Variants in NLRC4 observed in about 807,000 individuals in gnomAD.
NLRC4 encodes the protein NLR family CARD domain containing 4, also known as NLR family CARD domain-containing protein 4.
Under a neutral mutation model 79.9 loss-of-function variants are expected in NLRC4, and 63 were observed. The ratio of observed to expected loss-of-function variants is 0.79; its 90% confidence interval spans 0.64 to 0.97. The LOEUF (loss-of-function observed/expected upper bound fraction) is 0.97, where lower values mean the gene tolerates loss of function less well. NLRC4 is among the 50% of genes least tolerant of loss of function. NLRC4 has a pLI of 0.00. For synonymous variants in NLRC4, 461 were observed against 456.5 expected (o/e 1.01, Z -0.12); for missense variants, 1,074 against 1,215.2 (o/e 0.88, Z 1.73).
intron 4 of NLRC4, among the ~76,000 whole-genome samples, chr2:32,244,552 AAAAAT>A (rs1351550435): frequency 1.3e-5 from 2 of 152,108 alleles, no homozygotes; most frequent in Admixed American, 6.5e-5. Context: ...GGCAAAAAAA[AAAAAT>A]AAATAAAAGG....
At chr2:32,231,509 T>G (rs1410227051) in intron 8 of NLRC4, among the ~76,000 whole-genome samples, 2 of 150,538 alleles carry the variant, frequency 1.3e-5, no homozygotes, top group Non-Finnish European at 1.5e-5. Context: ...TAATGTGATC[T>G]GCAATTTTTT....
intron 8 of NLRC4, among the ~76,000 whole-genome samples, chr2:32,227,742 GAACA>G (rs1686436751): frequency 2.0e-5 from 3 of 152,156 alleles, no homozygotes; most frequent in South Asian, 4.1e-4. Context: ...CAGGAACCAA[GAACA>G]AACAACATTT....
intron 8 of NLRC4, among the ~76,000 whole-genome samples, chr2:32,228,635 C>T (rs766820441): frequency 2.6e-4 from 39 of 152,168 alleles, no homozygotes; most frequent in Non-Finnish European, 3.7e-4. Flanking sequence ...TAGACTGCAT[C>T]TACTCAGCAA....
intron 4 of NLRC4, 119 bp downstream of exon 4, chr2:32,249,488 G>T: frequency 2.4e-6 from 2 of 835,778 alleles, no homozygotes; most frequent in East Asian, 2.5e-5. Context: ...CTGTGGGATG[G>T]CCACCTTGCA....
At chr2:32,237,339 AC>A (rs1442258564) in intron 6 of NLRC4, among the ~76,000 whole-genome samples, 24 of 152,294 alleles carry the variant, frequency 1.6e-4, no homozygotes, top group African/African-American at 5.5e-4. Flanking sequence ...AACCTGCTGA[AC>A]TTCTCTTTAA....
intron 2 of NLRC4, among the ~76,000 whole-genome samples, chr2:32,253,913 G>A (rs900318714): frequency 6.8e-5 from 10 of 146,040 alleles, no homozygotes; most frequent in African/African-American, 2.3e-4. Flanking sequence ...GCGGTGAGCC[G>A]AGATGGTGCC....
chr2:32,259,957 G>A (rs563440074), intron 1 of NLRC4, among the ~76,000 whole-genome samples: 14 of 152,252 alleles, frequency 9.2e-5, no homozygotes, highest in Admixed American at 2.6e-4. Context: ...GGCCGGGCAC[G>A]GTGGCTCACG....
intron 2 of NLRC4, among the ~76,000 whole-genome samples, chr2:32,255,416 A>T (rs1225941935): frequency 6.7e-6 from 1 of 150,342 alleles, no homozygotes; most frequent in African/African-American, 2.4e-5. Context: ...GCTACTCGGG[A>T]GGCTGAGGCA....
In NLRC4 at chr2:32,252,271, C is replaced by A; in HGVS notation, c.262+148G>T. The A allele has an allele frequency of 4.6e-6, 3 of 645,722 alleles. No homozygotes were observed. In the South Asian group the frequency reaches 5.7e-5, roughly 12 times the overall value. 40.0% of individuals were successfully genotyped at this position (645,722 alleles called of 1,614,324 possible). ...ATCTACTATGAGTTTTTCCTAAAAT[C>A]ATCTAAGCTTTTCCTTAGCAGGTAT... On this transcript the variant is annotated intron_variant, in intron 3 of 8. Transcript: ENST00000402280.
chr2:32,261,316 C>CCCCTTTTTTT, intron 1 of NLRC4, among the ~76,000 whole-genome samples: 13 of 96,884 alleles, frequency 1.3e-4, no homozygotes, highest in African/African-American at 2.1e-4. Context: ...AGCCTCCCCC[C>CCCCTTTTTTT]TTTTGTTTTT....
intron 2 of NLRC4, among the ~76,000 whole-genome samples, chr2:32,256,446 T>C (rs576699144): frequency 2.6e-4 from 40 of 152,258 alleles, no homozygotes; most frequent in African/African-American, 7.9e-4. Context: ...GAGCTACATT[T>C]TGGTTGCCAC....
chr2:32,252,702 A>C, intron 2 of NLRC4, 23 bp from the exon 3 acceptor site: 5 of 1,600,472 alleles, frequency 3.1e-6, no homozygotes, highest in Non-Finnish European at 3.4e-6. Flanking sequence ...GGAGAAATAT[A>C]CATATTTATT....
chr2:32,231,059 C>T (rs1686521185), intron 8 of NLRC4, among the ~76,000 whole-genome samples: 1 of 152,098 alleles, frequency 6.6e-6, no homozygotes, highest in Admixed American at 6.5e-5. Context: ...ATTTATTTTG[C>T]GATTTACATA....
At chr2:32,244,544 C>CA (rs373739695) in intron 4 of NLRC4, among the ~76,000 whole-genome samples, 2,481 of 147,200 alleles carry the variant, frequency 0.017, 43 homozygotes, top group South Asian at 0.05. Flanking sequence ...TGAAATAAGG[C>CA]AAAAAAAAAA....
intron 1 of NLRC4, among the ~76,000 whole-genome samples, chr2:32,261,726 T>G (rs1317388586): frequency 6.6e-6 from 1 of 152,162 alleles, no homozygotes; most frequent in African/African-American, 2.4e-5. Flanking sequence ...ATATCTATTT[T>G]CAGAAAATAA....
chr2:32,252,410 G>C lies in NLRC4; in HGVS notation c.262+9C>G. ...TGCAGAAACAGATGCAAAACTAACT[G>C]ATACTTACTTTGTCCATTCAAGTCC... is the stretch of plus-strand genomic sequence containing the variant. On this transcript the variant is annotated intron_variant, in intron 3 of 8. Transcript: ENST00000402280. 6.3e-7 allele frequency: 1 copy of C among 1,593,788 alleles called. No homozygotes were observed. Among genetic ancestry groups the C allele is most frequent in the Non-Finnish European group, 8.6e-7 (1 of 1,161,662 alleles).
chr2:32,251,602 C>CTATTAGAGAAGAGGTGA lies in NLRC4; in HGVS notation c.263-18_263-2dup, dbSNP rs780413029. 1.9e-6 allele frequency: 3 copies of CTATTAGAGAAGAGGTGA among 1,578,466 alleles called. No individual in the cohort carries two copies. In the Admixed American group the frequency reaches 5.4e-5, roughly 29 times the overall value. On this transcript the variant is annotated splice_acceptor_variant, in intron 3 of 8. Transcript: ENST00000402280. LOFTEE classifies it high-confidence loss of function. ...CCTTCTGATGTCTGATGAAAAAGAC[C>CTATTAGAGAAGAGGTGA]TATTAGAGAAGAGGTGATGTTAAAG...
Position 32,261,316 on chromosome 2 carries a change from C to CTTTTTTTTTTTTTTTTTTTTT in NLRC4, c.-119+3421_-119+3422insAAAAAAAAAAAAAAAAAAAAA, listed in dbSNP as rs751434892. On this transcript the variant is annotated intron_variant, in intron 1 of 8. Transcript: ENST00000402280. ...TTCTTTCGCCTATTAAGCCTCCCCC[C>CTTTTTTTTTTTTTTTTTTTTT]TTTTGTTTTTTTTTGAGATGGAGCC... 5.0e-3 allele frequency among the ~76,000 whole-genome samples: 485 copies of CTTTTTTTTTTTTTTTTTTTTT among 96,734 alleles called. 69 individuals are homozygous for CTTTTTTTTTTTTTTTTTTTTT. The highest frequency in any genetic ancestry group is 0.01 in the African/African-American group (242 of 24,188). The allele number at this position is 96,734 out of a possible 152,430, so 63.5% of individuals were successfully genotyped here.
intron 8 of NLRC4, among the ~76,000 whole-genome samples, chr2:32,228,197 G>C (rs953259360): frequency 1.3e-5 from 2 of 152,258 alleles, no homozygotes; most frequent in South Asian, 2.1e-4. Flanking sequence ...TGCTATGGTA[G>C]GTCAGGGTAC....
Sources: allele counts gnomAD v4.1 joint callset (sites outside exome capture counted in the v4.1 genomes callset), GRCh38; gene constraint gnomAD v4.1.1; transcripts MANE v1.5; gene names NCBI Gene and HGNC (gene_info 2026-07-23, HGNC 2026-07-21).